The following LRRC4C variants were observed in gnomAD, a reference collection of about 807,000 sequenced individuals.
LRRC4C encodes the protein leucine rich repeat containing 4C, also known as leucine-rich repeat-containing protein 4C.
Under a neutral mutation model 33.6 loss-of-function variants are expected in LRRC4C, and 5 were observed. The ratio of observed to expected loss-of-function variants is 0.15; its 90% CI spans 0.08 to 0.31. The LOEUF (loss-of-function observed/expected upper bound fraction) is 0.31, where lower values mean the gene tolerates loss of function less well. Among genes scored for constraint, LRRC4C ranks in the 10% least tolerant of loss-of-function variants. LRRC4C has a pLI of 1.00. For synonymous variants in LRRC4C, 329 were observed against 302.0 expected, an observed-to-expected ratio of 1.09 and a Z score of -0.93; for missense variants, 560 against 796.7, an observed-to-expected ratio of 0.70 and a Z score of 3.58.
intron 1 of LRRC4C, among the ~76,000 whole-genome samples, chr11:41,295,111 G>A (rs1950101367): frequency 6.6e-6 from 1 of 152,140 alleles, no homozygotes; most frequent in African/African-American, 2.4e-5. Context: ...CTAATTCAAA[G>A]AGGGAAATAA....
At chr11:40,301,086 G>A (rs1944752452) in intron 4 of LRRC4C, among the ~76,000 whole-genome samples, 1 of 152,168 alleles carries the variant, frequency 6.6e-6, no homozygotes. Context: ...TGGGAAGGAA[G>A]GGCATTGGCG....
intron 5 of LRRC4C, among the ~76,000 whole-genome samples, chr11:40,220,483 C>G (rs1864323511): frequency 6.6e-6 from 1 of 152,104 alleles, no homozygotes; most frequent in South Asian, 2.1e-4. Flanking sequence ...GAATGAAGGC[C>G]TAAATATGAG....
rs191313218 is a variant in LRRC4C at position 41,302,604 on chromosome 11, A to T, written c.-496+156827T>A. Among the ~76,000 whole-genome samples the T allele has an allele frequency of 2.6e-5, 4 of 152,282 alleles. No individual in the cohort carries two copies. The East Asian group carries it at 5.8e-4, about 22-fold the overall frequency. On this transcript the variant is annotated intron_variant, in intron 1 of 6. Transcript: ENST00000528697. Reference sequence around the variant, plus strand: ...CCTATTAAAGAAAGAAACAAAAATAACAGAAGAGATTTCTATTCTGTTGTC... The same window carrying T: ...CCTATTAAAGAAAGAAACAAAAATATCAGAAGAGATTTCTATTCTGTTGTC...
chr11:40,493,027 T>C (rs997960220), intron 3 of LRRC4C, among the ~76,000 whole-genome samples: 6 of 151,780 alleles, frequency 4.0e-5, no homozygotes, highest in Middle Eastern at 3.4e-3. Context: ...TAAAGATGCA[T>C]CTATAAATAT....
chr11:41,231,282 A>G (rs946453621), intron 1 of LRRC4C, among the ~76,000 whole-genome samples: 8 of 152,152 alleles, frequency 5.3e-5, no homozygotes, highest in Non-Finnish European at 1.2e-4. Flanking sequence ...CCAAAGGATT[A>G]TAAATCATGC....
At chr11:40,208,462 C>T (rs567723484) in intron 5 of LRRC4C, among the ~76,000 whole-genome samples, 5 of 152,072 alleles carry the variant, frequency 3.3e-5, no homozygotes, top group South Asian at 2.1e-4. Context: ...ATCATGAATA[C>T]GTTTCCATTG....
chr11:40,645,706 G>T (rs1723195567), intron 3 of LRRC4C, among the ~76,000 whole-genome samples: 1 of 152,148 alleles, frequency 6.6e-6, no homozygotes, highest in Non-Finnish European at 1.5e-5. Flanking sequence ...TTCCTTTCTA[G>T]TTTTCAGGCT....
intron 3 of LRRC4C, among the ~76,000 whole-genome samples, chr11:40,468,219 AATATAC>A (rs1461191369): frequency 6.6e-6 from 1 of 152,212 alleles, no homozygotes; most frequent in African/African-American, 2.4e-5. Context: ...TATAAACATA[AATATAC>A]ATATATTGAA....
At chr11:40,974,208 T>C (rs1449297071) in intron 1 of LRRC4C, among the ~76,000 whole-genome samples, 2 of 152,202 alleles carry the variant, frequency 1.3e-5, no homozygotes, top group African/African-American at 4.8e-5. Context: ...CACTTAATTA[T>C]TAACATTTGA....
At chr11:40,618,438 C>T (rs997282276) in intron 3 of LRRC4C, among the ~76,000 whole-genome samples, 1 of 106,922 alleles carries the variant, frequency 9.4e-6, no homozygotes, top group African/African-American at 3.3e-5. Context: ...TGATTGCAGA[C>T]TTCTAGACTC....
At chr11:41,204,582 A>G (rs1357416834) in intron 1 of LRRC4C, among the ~76,000 whole-genome samples, 2 of 152,204 alleles carry the variant, frequency 1.3e-5, no homozygotes, top group Non-Finnish European at 2.9e-5. Context: ...ATTTCTTCTG[A>G]AGAAGTCCAC....
At chr11:40,252,912 G>A (rs1342994591) in intron 4 of LRRC4C, among the ~76,000 whole-genome samples, 1 of 152,028 alleles carries the variant, frequency 6.6e-6, no homozygotes, top group Non-Finnish European at 1.5e-5. Context: ...GAGACTTTAG[G>A]CTCACTTTCC....
At chr11:40,645,516 G>T (rs1366068728) in intron 3 of LRRC4C, among the ~76,000 whole-genome samples, 1 of 152,146 alleles carries the variant, frequency 6.6e-6, no homozygotes, top group East Asian at 1.9e-4. Context: ...AGTGCTTCCT[G>T]CTTCTGACAA....
chr11:41,124,230 C>T (rs747864982), intron 1 of LRRC4C, among the ~76,000 whole-genome samples: 1 of 152,100 alleles, frequency 6.6e-6, no homozygotes, highest in Non-Finnish European at 1.5e-5. Context: ...GTATTATTAG[C>T]ATCAATTTAG....
chr11:40,150,562 G>C (rs996571030), intron 5 of LRRC4C, among the ~76,000 whole-genome samples: 1 of 152,152 alleles, frequency 6.6e-6, no homozygotes, highest in Non-Finnish European at 1.5e-5. Context: ...TCAGCCTCTT[G>C]AGTAGTTGGG....
At position 40,780,375 on chromosome 11, in the gene LRRC4C, C is replaced by T. The variant is rs561816167; in HGVS notation, c.-406-132097G>A. ...GAAAATATATATTGGTAAGTGGATGCCCTCATTTTATACATCACATTTCAT... is the reference window on the plus strand; with the variant it reads ...GAAAATATATATTGGTAAGTGGATGTCCTCATTTTATACATCACATTTCAT... On this transcript the variant is annotated intron_variant, in intron 2 of 6. Transcript: ENST00000528697. Among the ~76,000 whole-genome samples the T allele has an allele frequency of 2.1e-3, 318 of 152,194 alleles. 1 individual carries two copies. Among genetic ancestry groups the T allele is most frequent in the African/African-American group, 7.4e-3 (308 of 41,530 alleles).
intron 3 of LRRC4C, among the ~76,000 whole-genome samples, chr11:40,551,938 G>A (rs1391755884): frequency 6.6e-6 from 1 of 152,210 alleles, no homozygotes; most frequent in Admixed American, 6.5e-5. Context: ...TAGACTTTGA[G>A]TAGAGCAGTT....
At chr11:41,303,376 C>A (rs1156385212) in intron 1 of LRRC4C, among the ~76,000 whole-genome samples, 2 of 121,172 alleles carry the variant, frequency 1.7e-5, no homozygotes, top group Non-Finnish European at 3.5e-5. Flanking sequence ...GACGGAGTCT[C>A]GTTCACTCAG....
intron 3 of LRRC4C, among the ~76,000 whole-genome samples, chr11:40,469,965 C>T (rs571805499): frequency 5.9e-5 from 9 of 152,320 alleles, no homozygotes; most frequent in Admixed American, 2.6e-4. Context: ...TTTCAGCAGA[C>T]TTAAATGTTA....
Sources: allele counts gnomAD v4.1 joint callset (sites outside exome capture counted in the v4.1 genomes callset), GRCh38; gene constraint gnomAD v4.1.1; transcripts MANE v1.5; gene names NCBI Gene and HGNC (gene_info 2026-07-23, HGNC 2026-07-21).